Variants in DAPK2 observed in about 807,000 individuals in gnomAD.
DAPK2 encodes the protein death-associated protein kinase 2.
DAPK2 carries 35 observed loss-of-function variants against 44.1 expected under a neutral mutation model. That is an observed-to-expected ratio of 0.79 (90% CI 0.61 to 1.05). The LOEUF (loss-of-function observed/expected upper bound fraction) is 1.05, where lower values mean the gene tolerates loss of function less well. Ranked by LOEUF, DAPK2 falls within the 50% of genes least tolerant of loss-of-function variation. The pLI, the probability that DAPK2 is intolerant of heterozygous loss-of-function variation, is 0.00. For synonymous variants in DAPK2, 174 were observed against 182.6 expected (o/e 0.95, Z 0.38); for missense variants, 453 against 483.2 (o/e 0.94, Z 0.59).
chr15:63,982,867 G>T (rs925129830), intron 2 of DAPK2, among the ~76,000 whole-genome samples: 7 of 152,174 alleles, frequency 4.6e-5, no homozygotes, highest in African/African-American at 1.7e-4. Context: ...ATTAAATAAG[G>T]TACAGAAGTA....
rs148150976 is a variant in DAPK2 at position 64,027,406 on chromosome 15, A to C, written c.92+12764T>G. ...CTCAAAACAAAAAAACAAAACAAAA[A>C]AAAAACCCCAAAATTAGCCAGGTAT... On this transcript the variant is annotated intron_variant, in intron 1 of 10. Coordinates refer to ENST00000261891, the Ensembl canonical transcript of DAPK2. Among the ~76,000 whole-genome samples the C allele has an allele frequency of 7.3e-3, 1,115 of 151,778 alleles. 13 individuals carry two copies. Among genetic ancestry groups the C allele is most frequent in the African/African-American group, 0.019 (775 of 41,430 alleles).
intron 1 of DAPK2, among the ~76,000 whole-genome samples, chr15:64,002,965 TC>T (rs57107191): frequency 0.06 from 2,931 of 49,150 alleles, 120 homozygotes; most frequent in East Asian, 0.34. Context: ...TGTGTGTGTG[TC>T]GTGGGACCTG....
chr15:64,040,202 C>G, exon 1 of DAPK2: 1 of 1,614,044 alleles, frequency 6.2e-7, no homozygotes. Flanking sequence ...CATAAAAGTC[C>G]TCCACCTTCT....
chr15:63,982,187 C>CTTTTTTTTTTTTTTTTTTTTTTTT (rs5813271), intron 2 of DAPK2, among the ~76,000 whole-genome samples: 1 of 107,874 alleles, frequency 9.3e-6, no homozygotes, highest in African/African-American at 3.6e-5. Context: ...TCAGAATATT[C>CTTTTTTTTTTTTTTTTTTTTTTTT]TTTTTTTTTT....
chr15:64,014,587 C>G (rs374761180), intron 1 of DAPK2, among the ~76,000 whole-genome samples: 19 of 152,322 alleles, frequency 1.2e-4, no homozygotes, highest in Admixed American at 5.9e-4. Context: ...ACTGGAAAAA[C>G]AAGGCCTGAT....
rs895714048 is a variant in DAPK2 at position 63,956,590 on chromosome 15, A to T, written c.453+14833T>A. 3.5e-5 allele frequency among the ~76,000 whole-genome samples: 5 copies of T among 143,852 alleles called. No individual in the cohort carries two copies. The East Asian group carries it at 6.0e-4, about 17-fold the overall frequency. 94.4% of individuals were successfully genotyped at this position (143,852 alleles called of 152,430 possible). ...GATACTTGATATGATTTCAATTTAA[A>T]TTTTTTTTTTTTTTTAGATGGAGTC... On this transcript the variant is annotated intron_variant, in intron 3 of 10. Transcript: ENST00000261891.
chr15:64,031,113 T>C (rs535131008), intron 1 of DAPK2, among the ~76,000 whole-genome samples: 1 of 152,170 alleles, frequency 6.6e-6, no homozygotes, highest in South Asian at 2.1e-4. Flanking sequence ...TGACCATGAA[T>C]ACTTTATTTA....
intron 1 of DAPK2, among the ~76,000 whole-genome samples, chr15:64,005,404 C>T (rs1183866155): frequency 1.3e-5 from 2 of 151,114 alleles, no homozygotes; most frequent in African/African-American, 2.4e-5. Context: ...CAGAAACTTA[C>T]CTTTCCTTGA....
Position 63,923,031 on chromosome 15 carries a change from C to T in DAPK2, c.858+1785G>A. The T allele has an allele frequency of 6.5e-7, 1 of 1,535,904 alleles. No homozygotes were observed. On this transcript the variant is annotated intron_variant, in intron 8 of 10. Transcript: ENST00000261891. This position sits in a 1 kb window ranked among gnomAD's most constrained non-coding sequence, Gnocchi z 4.2. ...TTCAATGACTCCACCTTGCGGAACT[C>T]ATACCTGAGCTGGGACAGGTCATGC...
At chr15:63,993,675 T>G (rs1361498662) in intron 1 of DAPK2, among the ~76,000 whole-genome samples, 1 of 152,060 alleles carries the variant, frequency 6.6e-6, no homozygotes, top group Non-Finnish European at 1.5e-5. Flanking sequence ...GAAGACTACA[T>G]ATCACGGGCA....
chr15:64,036,556 C>T (rs1330250456), intron 1 of DAPK2, among the ~76,000 whole-genome samples: 4 of 151,584 alleles, frequency 2.6e-5, no homozygotes, highest in Non-Finnish European at 2.9e-5. Context: ...CCACTGATTC[C>T]TTTTGCCGTT....
intron 1 of DAPK2, among the ~76,000 whole-genome samples, chr15:64,036,341 A>G (rs1321751971): frequency 8.1e-6 from 1 of 123,330 alleles, no homozygotes; most frequent in African/African-American, 3.0e-5. Context: ...ATATATACAT[A>G]TATATATATA....
intron 3 of DAPK2, among the ~76,000 whole-genome samples, chr15:63,947,212 T>G (rs1355450000): frequency 6.6e-6 from 1 of 152,106 alleles, no homozygotes; most frequent in Non-Finnish European, 1.5e-5. Flanking sequence ...ACACTGGAAC[T>G]TCTTCTATGA....
intron 1 of DAPK2, among the ~76,000 whole-genome samples, chr15:63,993,794 T>C (rs2140923580): frequency 6.6e-6 from 1 of 152,260 alleles, no homozygotes; most frequent in African/African-American, 2.4e-5. Flanking sequence ...AGATATCTCT[T>C]TCAGGTCCTC....
chr15:63,922,712 C>A, intron 8 of DAPK2: 1 of 1,497,386 alleles, frequency 6.7e-7, no homozygotes. Context: ...TCTTGGGATG[C>A]ATCACTGACT....
At chr15:63,927,740 T>C (rs375032286) in intron 6 of DAPK2, among the ~76,000 whole-genome samples, 5 of 67,086 alleles carry the variant, frequency 7.5e-5, no homozygotes, top group African/African-American at 2.1e-4. Context: ...ACACTGGGAT[T>C]CCATTTTTTT....
exon 8 of DAPK2, chr15:63,924,826 G>C (rs534854161): frequency 1.1e-5 from 17 of 1,614,064 alleles, no homozygotes; most frequent in South Asian, 4.4e-5. Context: ...CGTGATCCAG[G>C]GGTGTCTGAG....
In DAPK2 at chr15:63,980,415, G is replaced by T. The variant is rs987320045; in HGVS notation, c.314+3118C>A. Among the ~76,000 whole-genome samples the T allele has an allele frequency of 6.6e-6, 1 of 152,218 alleles. No individual in the cohort carries two copies. The highest frequency in any genetic ancestry group is 3.4e-3 in the Middle Eastern group (1 of 294). ...TAAAGATCAATAAATAATGAAACAC[G>T]TTTCAAAACAAATGACCCAGGGCTG... On this transcript the variant is annotated intron_variant, in intron 2 of 10. Coordinates refer to ENST00000261891, the Ensembl canonical transcript of DAPK2. This position sits in a 1 kb window ranked among gnomAD's most constrained non-coding sequence, Gnocchi z 4.3.
intron 1 of DAPK2, among the ~76,000 whole-genome samples, chr15:64,017,210 A>G (rs2079555238): frequency 6.6e-6 from 1 of 152,140 alleles, no homozygotes; most frequent in African/African-American, 2.4e-5. Context: ...GGCACCTAAT[A>G]CATATTTGTT....
Sources: gnomAD v4.1 joint callset for allele counts (sites outside exome capture counted in the v4.1 genomes callset) on GRCh38, gnomAD v4.1.1 for gene constraint, Gnocchi (gnomAD v3.1) non-coding constraint, MANE v1.5 for transcripts, NCBI Gene and HGNC (gene_info 2026-07-23, HGNC 2026-07-21) for gene names.